NFATC2: variants seen among roughly 807,000 people sequenced by gnomAD.
NFATC2 encodes the protein nuclear factor of activated T cells 2, also known as nuclear factor of activated T-cells, cytoplasmic 2.
A neutral mutation model predicts 87.3 loss-of-function variants in NFATC2; 22 were observed. The ratio of observed to expected loss-of-function variants is 0.25; its 90% CI spans 0.18 to 0.36. The LOEUF (loss-of-function observed/expected upper bound fraction) is 0.36. NFATC2 is among the 10% of genes least tolerant of loss of function. NFATC2 has a pLI of 1.00. For synonymous variants in NFATC2, 565 were observed against 542.2 expected, an observed-to-expected ratio of 1.04 and a Z score of -0.58; for missense variants, 1,149 against 1,259.1, an observed-to-expected ratio of 0.91 and a Z score of 1.32.
Position 51,432,714 on chromosome 20 carries a change from G to C in NFATC2, c.2075C>G (p.Thr692Ser), listed in dbSNP as rs1386607791. Residue 692 changes from threonine to serine, a missense_variant, in exon 9 of 11, where the codon ACT becomes AGT. Thr to Ser is a moderately conservative substitution (Grantham distance 58). Around this residue, in one of 3 missense-constraint regions of NFATC2, gnomAD observed 581 missense variants for 649.7 expected, o/e 0.89. Coordinates refer to ENST00000371564, the MANE Select transcript of NFATC2 (RefSeq NM_012340.5). This position sits in a 1 kb window ranked among gnomAD's most constrained non-coding sequence, Gnocchi z 4.6. Reference protein sequence around the residue: ...KTEPTDEYDPTLICSPTHGGL... With the variant: ...KTEPTDEYDPSLICSPTHGGL... ...TCCATGGGTGGGGCTGCAGATCAGA[G>C]TGGGGTCATATTCATCCGTGGGCTC... 1 of 1,588,098 alleles carries C rather than the reference G, an allele frequency of 6.3e-7. No homozygotes were observed. Among genetic ancestry groups the C allele is most frequent in the Non-Finnish European group, 8.5e-7 (1 of 1,174,406 alleles).
At chr20:51,556,338 C>T (rs2076978019) in intron 1 of NFATC2, among the ~76,000 whole-genome samples, 1 of 152,198 alleles carries the variant, frequency 6.6e-6, no homozygotes, top group Admixed American at 6.5e-5. Context: ...TACACCCACC[C>T]ACTCACCAGA....
chr20:51,474,875 A>G (rs1988564400), intron 4 of NFATC2, among the ~76,000 whole-genome samples: 1 of 152,150 alleles, frequency 6.6e-6, no homozygotes, highest in East Asian at 1.9e-4. Flanking sequence ...TTTTAAATAT[A>G]AGTAAATTTA....
chr20:51,534,555 G>A (rs1188888168), intron 1 of NFATC2, among the ~76,000 whole-genome samples: 6 of 152,104 alleles, frequency 3.9e-5, no homozygotes. Flanking sequence ...GGCTGGTCTC[G>A]AACTCCTGAC....
intron 3 of NFATC2, among the ~76,000 whole-genome samples, chr20:51,490,140 G>C (rs1204675229): frequency 6.6e-6 from 1 of 150,494 alleles, no homozygotes; most frequent in East Asian, 1.9e-4. Flanking sequence ...CAACAACAAT[G>C]ACAGCTAATA....
chr20:51,479,232 C>A (rs1989021287), intron 3 of NFATC2, among the ~76,000 whole-genome samples: 1 of 152,236 alleles, frequency 6.6e-6, no homozygotes. Context: ...ACACCTCTCT[C>A]TCCTGCCTGA....
chr20:51,518,950 G>A (rs1196738973), intron 2 of NFATC2, among the ~76,000 whole-genome samples: 1 of 152,128 alleles, frequency 6.6e-6, no homozygotes, highest in Non-Finnish European at 1.5e-5. Flanking sequence ...ACAGGTGTAT[G>A]CAACCAGGCC....
rs114733266 is a variant in NFATC2 at position 51,425,359 on chromosome 20, C to T, written c.2722+6708G>A. On this transcript the variant is annotated intron_variant, in intron 9 of 10. Transcript: ENST00000371564. The stretch of plus-strand genomic sequence containing the variant: ...CCATGTGAGTTAAACCTGCTGCTGG[C>T]GGTTTCTGGTGGTTACTGGTGTACC... 3.3e-3 allele frequency among the ~76,000 whole-genome samples: 509 copies of T among 152,332 alleles called. 5 individuals are homozygous for T. The highest frequency in any genetic ancestry group is 0.011 in the African/African-American group (476 of 41,574).
chr20:51,479,661 G>T (rs897828738), intron 3 of NFATC2, among the ~76,000 whole-genome samples: 2 of 152,114 alleles, frequency 1.3e-5, no homozygotes, highest in Non-Finnish European at 2.9e-5. Context: ...AGCAGTGAAA[G>T]CATCTGTTTC....
intron 3 of NFATC2, among the ~76,000 whole-genome samples, chr20:51,499,488 C>T (rs1011819213): frequency 6.6e-6 from 1 of 152,146 alleles, no homozygotes; most frequent in African/African-American, 2.4e-5. Flanking sequence ...CACGGTGGCT[C>T]ATGCCTATAA....
chr20:51,556,517 C>A (rs1784698418), intron 1 of NFATC2, among the ~76,000 whole-genome samples: 1 of 152,298 alleles, frequency 6.6e-6, no homozygotes, highest in Non-Finnish European at 1.5e-5. Context: ...ACCGCTGAAT[C>A]CCCAGCATCT....
At chr20:51,395,841 C>A (rs1987004276) in intron 10 of NFATC2, among the ~76,000 whole-genome samples, 1 of 151,678 alleles carries the variant, frequency 6.6e-6, no homozygotes, top group African/African-American at 2.4e-5. Context: ...CAGGGGTCAA[C>A]AAACTTCTCC....
chr20:51,549,283 T>C lies in NFATC2; in HGVS notation c.70+13277A>G, dbSNP rs559469081. On this transcript the variant is annotated intron_variant, in intron 1 of 10. Transcript: ENST00000414705. ...GTTTTTTTGTTTGTTTGTTTGTTTG[T>C]TTGTTTGAGATGGAGTTTTGCTCTT... Among the ~76,000 whole-genome samples, 35 of 152,280 alleles carry C rather than the reference T, an allele frequency of 2.3e-4. No individual in the cohort carries two copies. The South Asian group carries it at 6.8e-3, about 30-fold the overall frequency.
intron 3 of NFATC2, among the ~76,000 whole-genome samples, chr20:51,516,021 T>C (rs892114147): frequency 6.6e-6 from 1 of 152,212 alleles, no homozygotes; most frequent in African/African-American, 2.4e-5. Flanking sequence ...TTCTAGTTAA[T>C]TGACTTGTTA....
chr20:51,515,282 A>G (rs2076334047), intron 3 of NFATC2, among the ~76,000 whole-genome samples: 1 of 152,204 alleles, frequency 6.6e-6, no homozygotes, highest in Non-Finnish European at 1.5e-5. Flanking sequence ...CTAAGAGTGC[A>G]GCGGAGCTGG....
chr20:51,432,630 C>A lies in NFATC2; in HGVS notation c.2159G>T (p.Cys720Phe). Residue 720 changes from cysteine (C) to phenylalanine (F), a missense_variant, in exon 9 of 11, where the codon TGC (cysteine) becomes TTC (phenylalanine). This residue lies in a region of NFATC2 where 581 missense variants were observed against 649.7 expected (regional missense o/e 0.89). Coordinates refer to ENST00000371564, the MANE Select transcript of NFATC2 (RefSeq NM_012340.5). The surrounding 1 kb of genome is among the most constrained non-coding windows in gnomAD (Gnocchi z 4.6). The stretch of plus-strand genomic sequence containing the variant: ...GCAGGGAGCCATGGTGGCCACGAGG[C>A]AGGAGGGGGACTCGGCCACCATCGG... ...QHPMVAESPS[C>F]LVATMAPCQQ... 2.0e-6 allele frequency: 3 copies of A among 1,536,250 alleles called. No homozygotes were observed. The highest frequency in any genetic ancestry group is 2.6e-6 in the Non-Finnish European group (3 of 1,144,112).
At chr20:51,435,430 G>A (rs1027873052) in intron 7 of NFATC2, 116 bp from the exon 8 acceptor site, 21 of 1,408,824 alleles carry the variant, frequency 1.5e-5, no homozygotes, top group East Asian at 9.2e-5. Flanking sequence ...GCCTTTCATC[G>A]GTTTACAGGG....
At chr20:51,398,561 T>C (rs979069966) in intron 10 of NFATC2, 82 bp downstream of exon 10, 2 of 847,168 alleles carry the variant, frequency 2.4e-6, no homozygotes, top group Admixed American at 3.9e-5. Flanking sequence ...AGTTTTCTTA[T>C]ACTTTACTTA....
chr20:51,397,970 G>T (rs1020293871), intron 10 of NFATC2, among the ~76,000 whole-genome samples: 1 of 152,164 alleles, frequency 6.6e-6, no homozygotes, highest in Admixed American at 6.5e-5. Context: ...CCTGAAACCT[G>T]CACGATAAGG....
At chr20:51,501,859 C>T in intron 3 of NFATC2, among the ~76,000 whole-genome samples, 1 of 152,218 alleles carries the variant, frequency 6.6e-6, no homozygotes, top group East Asian at 1.9e-4. Flanking sequence ...ACATTTTAGG[C>T]TCTGCAGGCC....
Sources: allele counts gnomAD v4.1 joint callset (sites outside exome capture counted in the v4.1 genomes callset), GRCh38; gene constraint gnomAD v4.1.1; regional missense constraint gnomAD v4.1.1; non-coding constraint Gnocchi (gnomAD v3.1); transcripts MANE v1.5; gene names NCBI Gene and HGNC (gene_info 2026-07-23, HGNC 2026-07-21).